Variants in KIAA0825 observed in about 807,000 individuals in gnomAD.
The protein encoded by KIAA0825 is uncharacterized protein KIAA0825.
A neutral mutation model predicts 147.6 loss-of-function variants in KIAA0825; 119 were observed. The observed-to-expected ratio is 0.81, with a 90% confidence interval of 0.69 to 0.94. The LOEUF is 0.94. Ranked by LOEUF, KIAA0825 falls within the 40% of genes least tolerant of loss-of-function variation. The probability of loss-of-function intolerance (pLI) is 0.00; values close to 1 mark genes in which losing one functional copy is unlikely to be tolerated. For missense variants in KIAA0825, 1,381 were observed against 1,472.7 expected, an observed-to-expected ratio of 0.94 and a Z score of 1.02; for synonymous variants, 470 against 518.1, an observed-to-expected ratio of 0.91 and a Z score of 1.26.
intron 20 of KIAA0825, among the ~76,000 whole-genome samples, chr5:94,289,471 G>C (rs1584023424): frequency 6.7e-6 from 1 of 150,070 alleles, no homozygotes; most frequent in South Asian, 2.1e-4. Context: ...GGAGACAGAG[G>C]TTGCAGTGAG....
At position 94,537,392 on chromosome 5, in the gene KIAA0825, C is replaced by A. The variant is rs916547556; in HGVS notation, c.-1-265G>T. On this transcript the variant is annotated intron_variant, in intron 2 of 20. Coordinates refer to ENST00000682413, the MANE Select transcript of KIAA0825 (RefSeq NM_001145678.3). ...GAGGGCCGGGCGCGGTGGCTCACGC[C>A]TGTATTCCCAGCACTTTGGGAGGCC... Among the ~76,000 whole-genome samples, 9 of 152,156 alleles carry A rather than the reference C, an allele frequency of 5.9e-5. 1 individual carries two copies. Among genetic ancestry groups the A allele is most frequent in the Non-Finnish European group, 8.8e-5 (6 of 68,026 alleles).
At chr5:94,491,142 G>A (rs1433857101) in intron 5 of KIAA0825, among the ~76,000 whole-genome samples, 1 of 152,054 alleles carries the variant, frequency 6.6e-6, no homozygotes, top group African/African-American at 2.4e-5. Context: ...CAAGAAAAAC[G>A]AACATTAGCC....
At position 94,592,780 on chromosome 5, in the gene KIAA0825, T is replaced by A. The variant is rs144756106; in HGVS notation, c.-152-10197A>T. The A allele has an allele frequency of 4.6e-4, 172 of 374,108 alleles. 1 individual carries two copies. Among genetic ancestry groups the A allele is most frequent in the Middle Eastern group, 8.1e-4 (2 of 2,482 alleles). 23.2% of individuals were successfully genotyped at this position (374,108 alleles called of 1,614,324 possible). A position where few individuals can be genotyped will look rare whatever the true frequency, so the allele number is the denominator to read the frequency against. ...AATTTGTGATGTAAATCAAAAAACA[T>A]CTGTTTGCCTAGACTCATTGGTTAC... On this transcript the variant is annotated intron_variant, in intron 1 of 20. Coordinates refer to ENST00000682413, the MANE Select transcript of KIAA0825 (RefSeq NM_001145678.3).
rs955141111 is a variant in KIAA0825 at position 94,504,968 on chromosome 5, G to C, written c.970+15280C>G. On this transcript the variant is annotated intron_variant, in intron 5 of 20. Coordinates refer to ENST00000682413, the MANE Select transcript of KIAA0825 (RefSeq NM_001145678.3). ...TCCCTATGTTGGCCAGGATGGTCTC[G>C]AACTCCTGACCTTGTGATCCACCCT... Among the ~76,000 whole-genome samples, 4 of 151,626 alleles carry C rather than the reference G, an allele frequency of 2.6e-5. No homozygotes were observed. In the East Asian group the frequency reaches 5.9e-4, roughly 22 times the overall value.
chr5:94,476,724 G>A lies in KIAA0825; in HGVS notation c.1227+387C>T, dbSNP rs545846606. Among the ~76,000 whole-genome samples the A allele has an allele frequency of 6.6e-5, 10 of 152,206 alleles. No homozygotes were observed. The East Asian group carries it at 1.2e-3, about 18-fold the overall frequency. On this transcript the variant is annotated intron_variant, in intron 7 of 20. Coordinates refer to ENST00000682413, the MANE Select transcript of KIAA0825 (RefSeq NM_001145678.3). ...AGAGCAGAGTGGTAACAGGTTTTGGGACCAAACAATCACAGGATGGGGATC... is the reference window on the plus strand; with the variant it reads ...AGAGCAGAGTGGTAACAGGTTTTGGAACCAAACAATCACAGGATGGGGATC...
At chr5:94,191,228 A>C (rs73773587) in intron 20 of KIAA0825, among the ~76,000 whole-genome samples, 2,805 of 152,256 alleles carry the variant, frequency 0.018, 89 homozygotes, top group African/African-American at 0.064. Flanking sequence ...ATTCATTCTC[A>C]TTTATAATAA....
chr5:94,498,908 C>G (rs1317699188), intron 5 of KIAA0825, among the ~76,000 whole-genome samples: 1 of 152,158 alleles, frequency 6.6e-6, no homozygotes, highest in Non-Finnish European at 1.5e-5. Context: ...ATCTCCCTTC[C>G]CTGAATTCCT....
At chr5:94,243,178 C>T (rs993644492) in intron 20 of KIAA0825, among the ~76,000 whole-genome samples, 2 of 152,150 alleles carry the variant, frequency 1.3e-5, no homozygotes, top group Non-Finnish European at 2.9e-5. Context: ...CAATGCCTGG[C>T]GCACAGTGAA....
At chr5:94,209,179 T>C (rs989718283) in intron 20 of KIAA0825, among the ~76,000 whole-genome samples, 3 of 152,254 alleles carry the variant, frequency 2.0e-5, no homozygotes, top group Non-Finnish European at 4.4e-5. Context: ...TCAGTAACTC[T>C]GACTGTTTGA....
chr5:94,537,765 A>C (rs1236828027), intron 2 of KIAA0825, among the ~76,000 whole-genome samples: 1 of 152,120 alleles, frequency 6.6e-6, no homozygotes, highest in Non-Finnish European at 1.5e-5. Context: ...GAGCCCACAG[A>C]CCACTGTGAA....
rs73773659 is a variant in KIAA0825, at chr5:94,391,287, C to T, written c.3456+248G>A. 4.4e-3 allele frequency among the ~76,000 whole-genome samples: 676 copies of T among 152,262 alleles called. 4 individuals are homozygous for T. The highest frequency in any genetic ancestry group is 0.016 in the African/African-American group (648 of 41,550). On this transcript the variant is annotated intron_variant, in intron 18 of 20. Transcript: ENST00000682413. ...CACCTCTAGTCTCTACAATTCAGAA[C>T]TGAACTGAGTTTATGAGCCATGTTA...
intron 20 of KIAA0825, among the ~76,000 whole-genome samples, chr5:94,176,542 CATT>C (rs1299513264): frequency 6.6e-6 from 1 of 152,032 alleles, no homozygotes; most frequent in Non-Finnish European, 1.5e-5. Flanking sequence ...TAAAGTCAGT[CATT>C]ATAAACAAGG....
At chr5:94,248,891 T>A (rs1232635203) in intron 20 of KIAA0825, among the ~76,000 whole-genome samples, 1 of 152,164 alleles carries the variant, frequency 6.6e-6, no homozygotes, top group Non-Finnish European at 1.5e-5. Flanking sequence ...CTATGAACCA[T>A]TGAAATTGCC....
At chr5:94,247,836 A>C (rs1433325928) in intron 20 of KIAA0825, among the ~76,000 whole-genome samples, 1 of 152,152 alleles carries the variant, frequency 6.6e-6, no homozygotes, top group Non-Finnish European at 1.5e-5. Context: ...AGGATTGTAG[A>C]GTTGAGTAGA....
At chr5:94,242,188 A>T (rs1318676291) in intron 20 of KIAA0825, among the ~76,000 whole-genome samples, 4 of 152,224 alleles carry the variant, frequency 2.6e-5, no homozygotes, top group Non-Finnish European at 5.9e-5. Context: ...TTCAAAGTAT[A>T]CGGTTGCCAT....
At chr5:94,181,898 G>A (rs938139121) in intron 20 of KIAA0825, among the ~76,000 whole-genome samples, 4 of 152,120 alleles carry the variant, frequency 2.6e-5, no homozygotes, top group African/African-American at 9.7e-5. Context: ...GTTTAACTTA[G>A]CTTCTCTCCT....
chr5:94,514,575 T>C (rs1204291007), intron 5 of KIAA0825, among the ~76,000 whole-genome samples: 1 of 152,194 alleles, frequency 6.6e-6, no homozygotes, highest in African/African-American at 2.4e-5. Context: ...TCACCAGGAC[T>C]TTGGGAGAGC....
At chr5:94,523,848 A>C (rs1768723215) in intron 4 of KIAA0825, 82 bp downstream of exon 4, 1 of 942,526 alleles carries the variant, frequency 1.1e-6, no homozygotes, top group Non-Finnish European at 1.5e-6. Flanking sequence ...TCACTCAAAT[A>C]AATATTTACG....
intron 2 of KIAA0825, chr5:94,570,192 T>C (rs1779671528): frequency 6.6e-6 from 1 of 152,366 alleles, no homozygotes; most frequent in Non-Finnish European, 1.5e-5. Flanking sequence ...TCCGACAAAA[T>C]TACCTTCCAT....
Sources: allele counts gnomAD v4.1 joint callset (sites outside exome capture counted in the v4.1 genomes callset), GRCh38; gene constraint gnomAD v4.1.1; transcripts MANE v1.5; gene names NCBI Gene and HGNC (gene_info 2026-07-23, HGNC 2026-07-21).